The following TBC1D22A variants were observed in gnomAD, a reference collection of about 807,000 sequenced individuals.
The protein encoded by TBC1D22A is TBC1 domain family member 22A, also known as putative GTPase activator.
A neutral mutation model predicts 60.2 loss-of-function variants in TBC1D22A; 38 were observed. The observed-to-expected ratio is 0.63, with a 90% CI of 0.49 to 0.83. TBC1D22A has a LOEUF of 0.83. Ranked by LOEUF, TBC1D22A falls within the 40% of genes least tolerant of loss-of-function variation. The pLI, the probability that TBC1D22A is intolerant of heterozygous loss-of-function variation, is 0.00. For synonymous variants in TBC1D22A, 302 were observed against 281.7 expected, an observed-to-expected ratio of 1.07 and a Z score of -0.72; for missense variants, 628 against 701.0, an observed-to-expected ratio of 0.90 and a Z score of 1.18.
chr22:46,767,729 G>A (rs967209918), intron 1 of TBC1D22A, among the ~76,000 whole-genome samples: 4 of 152,134 alleles, frequency 2.6e-5, no homozygotes, highest in Admixed American at 1.3e-4. Context: ...AGATTTGCAC[G>A]AGGTGAGGGA....
At chr22:47,075,740 C>T (rs1168017461) in intron 11 of TBC1D22A, among the ~76,000 whole-genome samples, 1 of 151,892 alleles carries the variant, frequency 6.6e-6, no homozygotes, top group East Asian at 1.9e-4. Flanking sequence ...CTAAATTTGC[C>T]AGTTAAAAGA....
intron 1 of TBC1D22A, chr22:46,763,910 C>G (rs1188854063): frequency 6.6e-6 from 1 of 152,168 alleles, no homozygotes; most frequent in Non-Finnish European, 1.5e-5. Flanking sequence ...GCCTCACCAA[C>G]ATGGAGAAAC....
intron 11 of TBC1D22A, among the ~76,000 whole-genome samples, chr22:47,053,433 A>C (rs905393550): frequency 8.5e-5 from 13 of 152,192 alleles, no homozygotes; most frequent in African/African-American, 3.1e-4. Context: ...ACCAGCAAGC[A>C]GGGTGGCCTG....
intron 1 of TBC1D22A, among the ~76,000 whole-genome samples, chr22:46,767,493 G>A (rs1413409066): frequency 6.6e-6 from 1 of 152,208 alleles, no homozygotes; most frequent in East Asian, 1.9e-4. Context: ...AACAGCCCCA[G>A]GTGCTGGAGA....
Position 47,011,449 on chromosome 22 carries a change from C to T in TBC1D22A, c.1201+13740C>T, listed in dbSNP as rs761620572. Among the ~76,000 whole-genome samples the T allele has an allele frequency of 1.1e-4, 17 of 152,130 alleles. 1 individual carries two copies. Among genetic ancestry groups the T allele is most frequent in the South Asian group, 4.1e-4 (2 of 4,824 alleles). On this transcript the variant is annotated intron_variant, in intron 10 of 12. Transcript: ENST00000337137. ...GTGCCCTTTTGAAGTGAGGAGTGGTCGTTGCTTCTTTTTTGGCTTCGACCA... is the reference window on the plus strand; with the variant it reads ...GTGCCCTTTTGAAGTGAGGAGTGGTTGTTGCTTCTTTTTTGGCTTCGACCA...
At chr22:47,126,659 C>T (rs559385040) in intron 12 of TBC1D22A, among the ~76,000 whole-genome samples, 63 of 152,354 alleles carry the variant, frequency 4.1e-4, no homozygotes, top group African/African-American at 1.2e-3. Flanking sequence ...CATTAGGAAG[C>T]GGTAGGCTGG....
At chr22:47,101,039 C>A (rs181328759) in intron 11 of TBC1D22A, among the ~76,000 whole-genome samples, 9 of 152,248 alleles carry the variant, frequency 5.9e-5, no homozygotes, top group South Asian at 2.1e-4. Context: ...ATGGCACTCC[C>A]GGGAGCCCTT....
At chr22:46,809,957 G>A (rs535548913) in intron 4 of TBC1D22A, among the ~76,000 whole-genome samples, 1 of 152,264 alleles carries the variant, frequency 6.6e-6, no homozygotes, top group Admixed American at 6.5e-5. Context: ...TTTAATGGCT[G>A]TATAATGTTT....
intron 9 of TBC1D22A, among the ~76,000 whole-genome samples, chr22:46,980,242 G>A (rs1191757817): frequency 6.6e-6 from 1 of 152,198 alleles, no homozygotes; most frequent in Non-Finnish European, 1.5e-5. Flanking sequence ...GAGTACAGTG[G>A]TGTGATACTG....
At chr22:46,801,583 G>A (rs901539672) in intron 4 of TBC1D22A, among the ~76,000 whole-genome samples, 2 of 152,250 alleles carry the variant, frequency 1.3e-5, no homozygotes, top group African/African-American at 4.8e-5. Flanking sequence ...ACTCAAGTTG[G>A]TCACATGTAT....
chr22:46,870,623 T>C (rs145262904), intron 4 of TBC1D22A, among the ~76,000 whole-genome samples: 373 of 152,078 alleles, frequency 2.5e-3, no homozygotes, highest in Middle Eastern at 6.8e-3. Flanking sequence ...TACCACAGAG[T>C]GGATAATCTG....
intron 8 of TBC1D22A, among the ~76,000 whole-genome samples, chr22:46,956,842 C>G (rs970522167): frequency 1.3e-5 from 2 of 152,236 alleles, no homozygotes; most frequent in African/African-American, 4.8e-5. Flanking sequence ...TAAACCAGCA[C>G]AGACTGTTGA....
At chr22:46,911,763 A>G (rs776367541) in intron 7 of TBC1D22A, among the ~76,000 whole-genome samples, 76 of 152,134 alleles carry the variant, frequency 5.0e-4, no homozygotes, top group Non-Finnish European at 7.4e-4. Flanking sequence ...ACCAAAAAAT[A>G]CAAAAATTAG....
intron 12 of TBC1D22A, among the ~76,000 whole-genome samples, chr22:47,149,467 C>G (rs1848697230): frequency 6.6e-6 from 1 of 152,292 alleles, no homozygotes; most frequent in South Asian, 2.1e-4. Flanking sequence ...ATACAGCGTG[C>G]CACCCCCACG....
chr22:46,973,831 A>G (rs1172470267), intron 8 of TBC1D22A, among the ~76,000 whole-genome samples: 2 of 152,214 alleles, frequency 1.3e-5, no homozygotes, highest in African/African-American at 4.8e-5. Flanking sequence ...GGTTTTGATC[A>G]TAGCATGGAA....
In TBC1D22A at chr22:47,005,541, AC is replaced by A. The variant is rs2061559480; in HGVS notation, c.1201+7833del. ...GTAACACACACCTTCCCATATTCAC[AC>A]ATACCCTCCTACACACATATGCATA... On this transcript the variant is annotated intron_variant, in intron 10 of 12. Transcript: ENST00000337137. 7.3e-5 allele frequency among the ~76,000 whole-genome samples: 11 copies of A among 151,636 alleles called. No individual in the cohort carries two copies. In the South Asian group the frequency reaches 2.3e-3, roughly 32 times the overall value.
intron 3 of TBC1D22A, 124 bp from the exon 4 acceptor site, chr22:46,797,320 C>T (rs2084696942): frequency 9.6e-6 from 10 of 1,038,276 alleles, no homozygotes; most frequent in Admixed American, 2.3e-5. Context: ...ACCAAGGTCC[C>T]CACTGCTGAG....
At chr22:47,052,384 G>A (rs1210456448) in intron 11 of TBC1D22A, among the ~76,000 whole-genome samples, 2 of 152,186 alleles carry the variant, frequency 1.3e-5, no homozygotes, top group African/African-American at 4.8e-5. Context: ...GCGAGCCTGG[G>A]GATGCCTGGG....
chr22:47,152,323 C>T (rs75934320), intron 12 of TBC1D22A, among the ~76,000 whole-genome samples: 4,828 of 152,266 alleles, frequency 0.032, 236 homozygotes, highest in African/African-American at 0.11. Context: ...GAGAAACCAC[C>T]GCAGCCTCCT....
Sources: allele counts gnomAD v4.1 joint callset (sites outside exome capture counted in the v4.1 genomes callset), GRCh38; gene constraint gnomAD v4.1.1; transcripts MANE v1.5; gene names NCBI Gene and HGNC (gene_info 2026-07-23, HGNC 2026-07-21).